TBC1D5: variants seen among roughly 807,000 people sequenced by gnomAD.
The protein encoded by TBC1D5 is TBC1 domain family member 5.
TBC1D5 carries 75 observed loss-of-function variants against 100.3 expected under a neutral mutation model. The observed-to-expected ratio is 0.75, with a 90% CI of 0.62 to 0.91. The LOEUF (loss-of-function observed/expected upper bound fraction) is 0.91. Ranked by LOEUF, TBC1D5 falls within the 40% of genes least tolerant of loss-of-function variation. TBC1D5 has a pLI of 0.00. For synonymous variants in TBC1D5, 323 were observed against 325.6 expected (o/e 0.99, Z 0.09); for missense variants, 910 against 942.4 (o/e 0.97, Z 0.45).
At chr3:17,545,278 T>C (rs79107609) in intron 2 of TBC1D5, among the ~76,000 whole-genome samples, 4,727 of 152,168 alleles carry the variant, frequency 0.031, 109 homozygotes, top group Non-Finnish European at 0.047. Flanking sequence ...AATGGGGAGA[T>C]TTGGACTTGC....
intron 2 of TBC1D5, among the ~76,000 whole-genome samples, chr3:17,568,103 C>T (rs767774708): frequency 4.6e-5 from 7 of 151,524 alleles, no homozygotes; most frequent in Non-Finnish European, 1.0e-4. Flanking sequence ...GGTGAACACC[C>T]TCCTACCTTT....
intron 19 of TBC1D5, among the ~76,000 whole-genome samples, chr3:17,171,490 A>G (rs1310153006): frequency 6.6e-6 from 1 of 152,208 alleles, no homozygotes; most frequent in Admixed American, 6.5e-5. Flanking sequence ...CAAAGGTTCT[A>G]GAGAATTCCT....
intron 2 of TBC1D5, among the ~76,000 whole-genome samples, chr3:17,523,417 G>A (rs1306685272): frequency 1.3e-5 from 2 of 152,120 alleles, no homozygotes; most frequent in Admixed American, 6.5e-5. Context: ...TGTATTAAAA[G>A]GAGCTCTAAC....
chr3:17,466,163 C>T (rs2095297806), intron 3 of TBC1D5, among the ~76,000 whole-genome samples: 1 of 152,186 alleles, frequency 6.6e-6, no homozygotes, highest in Non-Finnish European at 1.5e-5. Context: ...AGAGATACCG[C>T]TATAGTCACA....
chr3:17,279,190 A>G (rs2080328358), intron 15 of TBC1D5, among the ~76,000 whole-genome samples: 1 of 152,256 alleles, frequency 6.6e-6, no homozygotes, highest in Non-Finnish European at 1.5e-5. Context: ...AAAAGAAATT[A>G]TATTTGGCAA....
Position 17,343,573 on chromosome 3 carries a change from T to A in TBC1D5, c.995+28502A>T, listed in dbSNP as rs1036058578. Among the ~76,000 whole-genome samples the A allele has an allele frequency of 9.8e-4, 145 of 148,712 alleles. 1 individual carries two copies. The highest frequency in any genetic ancestry group is 3.4e-3 in the African/African-American group (136 of 40,416). On this transcript the variant is annotated intron_variant, in intron 13 of 21. Transcript: ENST00000253692. ...GTTCCTCCTTGTACCTCTGGTAGAATTCGGCTGTGAATCCATCTGGTCCTG... is the reference window on the plus strand; with the variant it reads ...GTTCCTCCTTGTACCTCTGGTAGAAATCGGCTGTGAATCCATCTGGTCCTG...
At chr3:17,338,794 C>T (rs1048342631) in intron 13 of TBC1D5, among the ~76,000 whole-genome samples, 3 of 152,098 alleles carry the variant, frequency 2.0e-5, no homozygotes, top group Admixed American at 2.0e-4. Context: ...TTTCTAATTC[C>T]TCATTTTCTT....
exon 22 of TBC1D5, chr3:17,161,169 T>A (rs1052364694): frequency 6.2e-7 from 1 of 1,614,000 alleles, no homozygotes; most frequent in Non-Finnish European, 8.5e-7. Flanking sequence ...AAGGAGCCCC[T>A]GGCACTGCTC....
At chr3:17,183,164 G>A (rs1474316097) in intron 19 of TBC1D5, among the ~76,000 whole-genome samples, 2 of 152,160 alleles carry the variant, frequency 1.3e-5, no homozygotes, top group Non-Finnish European at 2.9e-5. Context: ...AGCTCTGCCT[G>A]TGCTGGCGCC....
At chr3:17,296,505 G>A (rs1682225685) in intron 14 of TBC1D5, among the ~76,000 whole-genome samples, 1 of 152,192 alleles carries the variant, frequency 6.6e-6, no homozygotes, top group African/African-American at 2.4e-5. Flanking sequence ...AAATGTGATT[G>A]CCAATGGACC....
chr3:17,231,754 T>G (rs2075441342), intron 17 of TBC1D5, among the ~76,000 whole-genome samples: 1 of 152,152 alleles, frequency 6.6e-6, no homozygotes, highest in African/African-American at 2.4e-5. Context: ...CCAAATCAGG[T>G]AGGTGTACTC....
chr3:17,476,684 G>C (rs1015064127), intron 3 of TBC1D5, among the ~76,000 whole-genome samples: 1 of 151,734 alleles, frequency 6.6e-6, no homozygotes, highest in Non-Finnish European at 1.5e-5. Context: ...ATCAATTTGG[G>C]GAAAACCTAA....
At chr3:17,365,655 C>T (rs1436017985) in intron 13 of TBC1D5, among the ~76,000 whole-genome samples, 4 of 152,118 alleles carry the variant, frequency 2.6e-5, no homozygotes, top group Non-Finnish European at 5.9e-5. Context: ...TCTCCAGGGG[C>T]CTTGATTTTC....
chr3:17,374,345 T>A (rs543770948), intron 12 of TBC1D5, 126 bp downstream of exon 12: 2 of 812,512 alleles, frequency 2.5e-6, no homozygotes, highest in African/African-American at 1.7e-5. Context: ...TCTTATTCCA[T>A]AGGTAATTTC....
chr3:17,312,296 T>C (rs1277523471), intron 13 of TBC1D5, among the ~76,000 whole-genome samples: 1 of 152,124 alleles, frequency 6.6e-6, no homozygotes, highest in African/African-American at 2.4e-5. Flanking sequence ...TTACTAGTCT[T>C]CTAAGGGCTC....
intron 3 of TBC1D5, among the ~76,000 whole-genome samples, chr3:17,457,125 T>A (rs564886821): frequency 2.6e-5 from 4 of 152,314 alleles, no homozygotes; most frequent in Non-Finnish European, 4.4e-5. Context: ...TCTTTGTCTT[T>A]TGTTTTTATT....
At chr3:17,643,634 A>C (rs1216207427) in intron 1 of TBC1D5, among the ~76,000 whole-genome samples, 1 of 152,158 alleles carries the variant, frequency 6.6e-6, no homozygotes, top group Non-Finnish European at 1.5e-5. Context: ...AAAAATTATC[A>C]AAAAGTTAAA....
intron 17 of TBC1D5, among the ~76,000 whole-genome samples, chr3:17,221,216 T>C (rs2074249624): frequency 6.6e-6 from 1 of 151,984 alleles, no homozygotes. Flanking sequence ...AGGTTAAGGA[T>C]GTTGAGATGG....
chr3:17,639,807 A>G (rs538768291), intron 1 of TBC1D5, among the ~76,000 whole-genome samples: 1 of 152,298 alleles, frequency 6.6e-6, no homozygotes, highest in African/African-American at 2.4e-5. Context: ...AACTTTTGGT[A>G]ATCATCCCAA....
Sources: allele counts gnomAD v4.1 joint callset (sites outside exome capture counted in the v4.1 genomes callset), GRCh38; gene constraint gnomAD v4.1.1; transcripts MANE v1.5; gene names NCBI Gene and HGNC (gene_info 2026-07-23, HGNC 2026-07-21).